The following COL6A6 variants were observed in gnomAD, a reference collection of about 807,000 sequenced individuals.
COL6A6 encodes the protein collagen type VI alpha 6 chain, also known as collagen alpha-6(VI) chain.
In COL6A6, 183 loss-of-function variants were observed where a neutral mutation model predicts 208.6. The ratio of observed to expected loss-of-function variants is 0.88; its 90% CI spans 0.78 to 0.99. The LOEUF is 0.99. COL6A6 is among the 50% of genes least tolerant of loss of function. The pLI is 0.00. For synonymous variants in COL6A6, 973 were observed against 1,011.8 expected (o/e 0.96, Z 0.73); for missense variants, 2,816 against 2,815.2 (o/e 1.00, Z -0.01).
chr3:130,611,747 C>T (rs1274566465), intron 23 of COL6A6, among the ~76,000 whole-genome samples: 1 of 152,098 alleles, frequency 6.6e-6, no homozygotes, highest in African/African-American at 2.4e-5. Flanking sequence ...ATTTAAGAGG[C>T]TATTTGCATA....
intron 11 of COL6A6, among the ~76,000 whole-genome samples, chr3:130,586,932 G>A (rs1471007325): frequency 6.6e-6 from 1 of 152,152 alleles, no homozygotes; most frequent in Non-Finnish European, 1.5e-5. Context: ...CCACAATCAT[G>A]TCCAAATTAT....
chr3:130,566,310 T>A (rs2063022121), intron 4 of COL6A6, among the ~76,000 whole-genome samples: 1 of 152,202 alleles, frequency 6.6e-6, no homozygotes, highest in Non-Finnish European at 1.5e-5. Flanking sequence ...TCAAGAGAGT[T>A]CATGGGCCCA....
chr3:130,674,533 T>C (rs554914995), intron 36 of COL6A6, among the ~76,000 whole-genome samples: 12 of 152,308 alleles, frequency 7.9e-5, no homozygotes, highest in Admixed American at 3.9e-4. Flanking sequence ...TCCCCCATTG[T>C]ACCTAACACC....
chr3:130,613,397 G>A (rs2064418395), intron 23 of COL6A6, among the ~76,000 whole-genome samples: 1 of 152,188 alleles, frequency 6.6e-6, no homozygotes, highest in African/African-American at 2.4e-5. Flanking sequence ...CCAGTACCAT[G>A]CTGTTTTGGT....
At chr3:130,595,969 A>G (rs956218113) in intron 18 of COL6A6, among the ~76,000 whole-genome samples, 3 of 152,222 alleles carry the variant, frequency 2.0e-5, no homozygotes, top group Admixed American at 6.5e-5. Context: ...TACAATTTAT[A>G]AAAAGCAATA....
chr3:130,574,473 GAAGGTC>G lies in COL6A6; in HGVS notation c.3498_3503del (p.Lys1166_Val1167del). ...CAGTGCACAACTTCGATGAACTGAA[GAAGGTC>G]AATAAAAGGATCGTTCGCAACATCT... On this transcript the variant is annotated inframe_deletion, in exon 8 of 37. Coordinates refer to ENST00000358511, the MANE Select transcript of COL6A6 (RefSeq NM_001102608.3). 1 of 1,614,056 alleles carries G rather than the reference GAAGGTC, an allele frequency of 6.2e-7. No individual in the cohort carries two copies. Among genetic ancestry groups the G allele is most frequent in the Non-Finnish European group, 8.5e-7 (1 of 1,179,900 alleles).
At chr3:130,567,923 T>G in intron 5 of COL6A6, 124 bp from the exon 6 acceptor site, 1 of 674,590 alleles carries the variant, frequency 1.5e-6, no homozygotes, top group South Asian at 2.0e-5. Flanking sequence ...AAGCTTTATT[T>G]ACTACTAATT....
At position 130,649,477 on chromosome 3, in the gene COL6A6, C is replaced by G. The variant is rs779178442; in HGVS notation, c.5648C>G (p.Thr1883Arg). The G allele has an allele frequency of 4.3e-6, 7 of 1,610,896 alleles. No individual in the cohort carries two copies. Among genetic ancestry groups the G allele is most frequent in the Non-Finnish European group, 5.9e-6 (7 of 1,178,570 alleles). Residue 1883 changes from threonine (T) to arginine (R), a missense_variant, in exon 33 of 37, where the codon ACG becomes AGG. Thr to Arg is a moderately conservative substitution (Grantham distance 71). Coordinates refer to ENST00000358511, the MANE Select transcript of COL6A6 (RefSeq NM_001102608.3). ...GQSADAHSIT[T>R]AAMEFGALEI... ...TCCGCGGATGCCCACTCCATCACCACGGCTGCCATGGAGTTCGGCGCGCTT... is the reference window on the plus strand; with the variant it reads ...TCCGCGGATGCCCACTCCATCACCAGGGCTGCCATGGAGTTCGGCGCGCTT...
rs772496824 is a variant in COL6A6 at position 130,608,940 on chromosome 3, C to T, written c.4728C>T (p.Gly1576=). 1.2e-6 allele frequency: 2 copies of T among 1,613,092 alleles called. No individual in the cohort carries two copies. Among genetic ancestry groups the T allele is most frequent in the Admixed American group, 3.3e-5 (2 of 59,892 alleles). ...AGIPGPDGLE[G]SLGLKGPQGP... is the part of the protein sequence containing the mutation. ...TCCCAGGACCAGATGGACTTGAAGG[C>T]TCCCTGGGACTTAAGGGCCCTCAGG... The change falls in exon 22 of 37, where the codon GGC becomes GGT. Residue 1576 remains glycine, a synonymous_variant. Coordinates refer to ENST00000358511, the MANE Select transcript of COL6A6 (RefSeq NM_001102608.3).
Position 130,594,333 on chromosome 3 carries a change from G to T in COL6A6, c.4523G>T (p.Arg1508Leu). The T allele has an allele frequency of 3.7e-6, 6 of 1,613,314 alleles. No homozygotes were observed. Among genetic ancestry groups the T allele is most frequent in the Non-Finnish European group, 5.1e-6 (6 of 1,179,582 alleles). The change falls in exon 18 of 37, where the codon CGA becomes CTA. Residue 1508 changes from arginine to leucine, a missense_variant. Coordinates refer to ENST00000358511, the MANE Select transcript of COL6A6 (RefSeq NM_001102608.3). ...TPGDRGAKGL[R>L]GDPGAPGVDS... ...GGTGACCGTGGAGCAAAGGGCCTGCGAGGGGATCCCGTAAGTGCACGGGCT... is the reference window on the plus strand; with the variant it reads ...GGTGACCGTGGAGCAAAGGGCCTGCTAGGGGATCCCGTAAGTGCACGGGCT...
intron 8 of COL6A6, among the ~76,000 whole-genome samples, chr3:130,577,443 T>C (rs2063324610): frequency 6.6e-6 from 1 of 152,260 alleles, no homozygotes; most frequent in Non-Finnish European, 1.5e-5. Context: ...CACCAATTAA[T>C]AGCTGGAGCT....
At chr3:130,644,490 C>T (rs942882872) in intron 31 of COL6A6, among the ~76,000 whole-genome samples, 3 of 152,184 alleles carry the variant, frequency 2.0e-5, no homozygotes, top group Non-Finnish European at 2.9e-5. Context: ...TCATTTAATT[C>T]AGAGTAACTC....
Position 130,586,575 on chromosome 3 carries a change from A to G in COL6A6, c.4040A>G (p.Tyr1347Cys), listed in dbSNP as rs563792175. Residue 1347 changes from tyrosine (Y) to cysteine (C), a missense_variant, in exon 11 of 37, where the codon TAT (tyrosine) becomes TGT (cysteine). Coordinates refer to ENST00000358511, the MANE Select transcript of COL6A6 (RefSeq NM_001102608.3). ...TCAAGTGACTTGGCTGATCTTCCCT[A>G]TATTGAATTTGGGAAAGGATTTGAG... Reference protein sequence around the residue: ...ADSSDLADLPYIEFGKGFEYR... With the variant: ...ADSSDLADLPCIEFGKGFEYR... 30 of 1,613,918 alleles carry G rather than the reference A, an allele frequency of 1.9e-5. No individual in the cohort carries two copies. The highest frequency in any genetic ancestry group is 2.2e-5 in the East Asian group (1 of 44,878).
chr3:130,618,842 G>T (rs1298091681), intron 23 of COL6A6, among the ~76,000 whole-genome samples: 3 of 152,164 alleles, frequency 2.0e-5, no homozygotes, highest in Non-Finnish European at 4.4e-5. Flanking sequence ...CATTGTTCTT[G>T]TGTGTGTTTG....
intron 36 of COL6A6, among the ~76,000 whole-genome samples, chr3:130,665,439 C>T (rs2066051431): frequency 6.6e-6 from 1 of 152,062 alleles, no homozygotes. Flanking sequence ...AGTCCTAATT[C>T]TAGATTGCCC....
chr3:130,636,276 G>C (rs978104746), intron 28 of COL6A6, among the ~76,000 whole-genome samples: 1 of 152,172 alleles, frequency 6.6e-6, no homozygotes, highest in African/African-American at 2.4e-5. Context: ...TTCTGTAGAG[G>C]TTCTTAGATA....
chr3:130,640,807 T>G (rs139879214), intron 28 of COL6A6, among the ~76,000 whole-genome samples: 1 of 152,194 alleles, frequency 6.6e-6, no homozygotes, highest in African/African-American at 2.4e-5. Context: ...CAAATAATGA[T>G]TGTGTTTCTG....
intron 1 of COL6A6, among the ~76,000 whole-genome samples, chr3:130,533,234 A>G (rs1369983553): frequency 6.8e-6 from 1 of 146,690 alleles, no homozygotes; most frequent in Non-Finnish European, 1.5e-5. Flanking sequence ...ATTCTTTCAT[A>G]GCCTTACATC....
intron 20 of COL6A6, among the ~76,000 whole-genome samples, chr3:130,603,962 T>G (rs2064103427): frequency 6.6e-6 from 1 of 152,182 alleles, no homozygotes; most frequent in Non-Finnish European, 1.5e-5. Flanking sequence ...GGAGATTTTC[T>G]TTCCTGACGT....
Sources: gnomAD v4.1 joint callset for allele counts (sites outside exome capture counted in the v4.1 genomes callset) on GRCh38, gnomAD v4.1.1 for gene constraint, MANE v1.5 for transcripts, NCBI Gene and HGNC (gene_info 2026-07-23, HGNC 2026-07-21) for gene names.